The following PRKN variants were observed in gnomAD, a reference collection of about 807,000 sequenced individuals.
PRKN encodes parkin RBR E3 ubiquitin protein ligase, also known as E3 ubiquitin-protein ligase parkin.
In PRKN, 56 loss-of-function variants were observed where a neutral mutation model predicts 59.5. The observed-to-expected ratio is 0.94, with a 90% CI of 0.76 to 1.18. PRKN has a LOEUF of 1.18. PRKN is among the 50% of genes most tolerant of loss of function. The pLI is 0.00. For synonymous variants in PRKN, 250 were observed against 222.1 expected, an observed-to-expected ratio of 1.13 and a Z score of -1.12; for missense variants, 657 against 596.4, an observed-to-expected ratio of 1.10 and a Z score of -1.06.
chr6:162,638,746 T>C (rs1257228724), intron 1 of PRKN, among the ~76,000 whole-genome samples: 1 of 64,224 alleles, frequency 1.6e-5, no homozygotes, highest in Non-Finnish European at 2.8e-5. Flanking sequence ...TCCCTTTTTT[T>C]TTTTTTTTTT....
chr6:162,358,204 A>G (rs748491380), intron 2 of PRKN, among the ~76,000 whole-genome samples: 1 of 152,228 alleles, frequency 6.6e-6, no homozygotes, highest in Non-Finnish European at 1.5e-5. Context: ...ACTTTTCTGT[A>G]TGTACAATTT....
chr6:162,707,243 A>C (rs937225119), intron 1 of PRKN, among the ~76,000 whole-genome samples: 1 of 152,226 alleles, frequency 6.6e-6, no homozygotes, highest in African/African-American at 2.4e-5. Flanking sequence ...TACAATATCT[A>C]AATATTAGTT....
In PRKN at chr6:161,963,318, C is replaced by G. The variant is rs914938777; in HGVS notation, c.734+9984G>C. Among the ~76,000 whole-genome samples, 3 of 152,304 alleles carry G rather than the reference C, an allele frequency of 2.0e-5. No homozygotes were observed. In the East Asian group the frequency reaches 5.8e-4, roughly 29 times the overall value. On this transcript the variant is annotated intron_variant, in intron 6 of 11. Coordinates refer to ENST00000366898, the MANE Select transcript of PRKN (RefSeq NM_004562.3). Reference sequence around the variant, plus strand: ...CCCAGCGGGGGTTGCTGCGCACCTGCGGTGACAGTTAAATGAAAAGGTAAG... The same window carrying G: ...CCCAGCGGGGGTTGCTGCGCACCTGGGGTGACAGTTAAATGAAAAGGTAAG...
At chr6:161,768,866 T>C (rs941555672) in intron 7 of PRKN, among the ~76,000 whole-genome samples, 5 of 152,238 alleles carry the variant, frequency 3.3e-5, no homozygotes, top group Non-Finnish European at 7.3e-5. Flanking sequence ...CTACCAATGC[T>C]ATCAGTGAGA....
intron 5 of PRKN, among the ~76,000 whole-genome samples, chr6:161,979,187 A>C (rs576657612): frequency 6.6e-6 from 1 of 152,194 alleles, no homozygotes; most frequent in East Asian, 1.9e-4. Context: ...TGATAGCCTA[A>C]ATGATTTTAT....
chr6:161,730,775 G>A (rs1787671023), intron 7 of PRKN, among the ~76,000 whole-genome samples: 1 of 151,716 alleles, frequency 6.6e-6, no homozygotes, highest in Non-Finnish European at 1.5e-5. Context: ...TATTCTTTCT[G>A]GTGTGTTGCA....
intron 2 of PRKN, chr6:162,267,314 C>T (rs1181437348): frequency 1.3e-5 from 2 of 149,672 alleles, no homozygotes; most frequent in African/African-American, 5.1e-5. Context: ...TGGACTCACA[C>T]ACCACACTGG....
intron 9 of PRKN, among the ~76,000 whole-genome samples, chr6:161,425,831 T>C (rs530118941): frequency 8.9e-4 from 136 of 152,244 alleles, no homozygotes; most frequent in Middle Eastern, 3.4e-3. Flanking sequence ...CATCAGTAAT[T>C]CCCCCCATAT....
intron 7 of PRKN, among the ~76,000 whole-genome samples, chr6:161,672,558 C>G (rs1175650638): frequency 6.6e-6 from 1 of 152,116 alleles, no homozygotes; most frequent in Non-Finnish European, 1.5e-5. Context: ...AGTGGATCAC[C>G]TGAGGTCAGG....
rs568464019 is a variant in PRKN at position 162,714,446 on chromosome 6, C to T, written c.7+13216G>A. Among the ~76,000 whole-genome samples, 28 of 152,158 alleles carry T rather than the reference C, an allele frequency of 1.8e-4. No individual in the cohort carries two copies. The South Asian group carries it at 4.6e-3, about 25-fold the overall frequency. ...TCTTCCCATTTTTTAAAAAACCCTT[C>T]GGAATAATTTAAATGAGCTCCCACC... is the stretch of plus-strand genomic sequence containing the variant. On this transcript the variant is annotated intron_variant, in intron 1 of 11. Coordinates refer to ENST00000366898, the MANE Select transcript of PRKN (RefSeq NM_004562.3).
intron 4 of PRKN, among the ~76,000 whole-genome samples, chr6:162,110,525 T>C (rs1167284432): frequency 2.0e-5 from 3 of 152,226 alleles, no homozygotes; most frequent in Non-Finnish European, 4.4e-5. Context: ...AAACAAACAA[T>C]ATAATTATAA....
rs1313806588 is a variant in PRKN, at chr6:162,183,913, A to G, written c.534+17218T>C. The stretch of plus-strand genomic sequence containing the variant: ...CCAAACAGGTGCACCTGACTGCCCC[A>G]GGGAGAATCCCCTGAACTAGTGCTA... On this transcript the variant is annotated intron_variant, in intron 4 of 11. Transcript: ENST00000366898. Among the ~76,000 whole-genome samples, 4 of 152,308 alleles carry G rather than the reference A, an allele frequency of 2.6e-5. No homozygotes were observed. In the East Asian group the frequency reaches 7.7e-4, roughly 29 times the overall value.
chr6:162,690,937 CTGAA>C (rs1350706966), intron 1 of PRKN, among the ~76,000 whole-genome samples: 4 of 152,062 alleles, frequency 2.6e-5, no homozygotes, highest in Non-Finnish European at 4.4e-5. Context: ...ACTCTTGGCA[CTGAA>C]TGTTATGCCT....
intron 1 of PRKN, among the ~76,000 whole-genome samples, chr6:162,555,601 AATG>A (rs1179769548): frequency 6.6e-6 from 1 of 151,864 alleles, no homozygotes; most frequent in African/African-American, 2.4e-5. Context: ...TGTTTCAATA[AATG>A]ATGTCAGCGT....
In PRKN at chr6:162,016,052, T is replaced by A. The variant is rs185843920; in HGVS notation, c.618+38039A>T. Among the ~76,000 whole-genome samples the A allele has an allele frequency of 2.2e-4, 33 of 152,262 alleles. No individual in the cohort carries two copies. In the East Asian group the frequency reaches 6.0e-3, roughly 28 times the overall value. On this transcript the variant is annotated intron_variant, in intron 5 of 11. Coordinates refer to ENST00000366898, the MANE Select transcript of PRKN (RefSeq NM_004562.3). ...CCAAGATGAAGGTCTCCATCTGGCA[T>A]TTCAAATTTGCTGATATTTTATGAA...
chr6:162,164,088 G>A lies in PRKN; in HGVS notation c.534+37043C>T, dbSNP rs780241283. On this transcript the variant is annotated intron_variant, in intron 4 of 11. Transcript: ENST00000366898. ...CCCTCTAGAGACAGAGGAGGCATTT[G>A]CTCAAGTGTGGAATACCAGCTGTTG... Among the ~76,000 whole-genome samples, 6 of 149,310 alleles carry A rather than the reference G, an allele frequency of 4.0e-5. 1 individual carries two copies. The highest frequency in any genetic ancestry group is 5.9e-5 in the Non-Finnish European group (4 of 67,494).
At position 162,325,829 on chromosome 6, in the gene PRKN, A is replaced by T. The variant is rs1455653703; in HGVS notation, c.172-63064T>A. Among the ~76,000 whole-genome samples the T allele has an allele frequency of 2.6e-5, 4 of 152,190 alleles. No homozygotes were observed. The East Asian group carries it at 7.7e-4, about 29-fold the overall frequency. ...TTTAAAATATTATTTTCTTTAGGTAAAGAGTCATATTTGAAAAAGAGTAAG... is the reference window on the plus strand; with the variant it reads ...TTTAAAATATTATTTTCTTTAGGTATAGAGTCATATTTGAAAAAGAGTAAG... On this transcript the variant is annotated intron_variant, in intron 2 of 11. Transcript: ENST00000366898.
intron 1 of PRKN, among the ~76,000 whole-genome samples, chr6:162,514,984 A>G (rs1007717323): frequency 6.6e-6 from 1 of 152,206 alleles, no homozygotes; most frequent in African/African-American, 2.4e-5. Flanking sequence ...ATATACAAAA[A>G]AAAGGAATTA....
intron 4 of PRKN, among the ~76,000 whole-genome samples, chr6:162,159,964 A>C (rs2128316275): frequency 6.6e-6 from 1 of 152,316 alleles, no homozygotes; most frequent in Non-Finnish European, 1.5e-5. Context: ...GAAACCAAGA[A>C]GATTTTTGTG....
Sources: allele counts gnomAD v4.1 joint callset (sites outside exome capture counted in the v4.1 genomes callset), GRCh38; gene constraint gnomAD v4.1.1; transcripts MANE v1.5; gene names NCBI Gene and HGNC (gene_info 2026-07-23, HGNC 2026-07-21).